The following NTM variants were observed in gnomAD, a reference collection of about 807,000 sequenced individuals.
NTM encodes the protein IgLON family member 2.
NTM carries 13 observed loss-of-function variants against 42.1 expected under a neutral mutation model. The observed-to-expected ratio is 0.31, with a 90% CI of 0.20 to 0.49. The LOEUF is 0.49. NTM is among the 20% of genes least tolerant of loss of function. NTM has a pLI of 0.99. For missense variants in NTM, 373 were observed against 452.8 expected, an observed-to-expected ratio of 0.82 and a Z score of 1.60; for synonymous variants, 187 against 179.2, an observed-to-expected ratio of 1.04 and a Z score of -0.35.
At chr11:131,601,577 C>G (rs1219320446) in intron 1 of NTM, among the ~76,000 whole-genome samples, 2 of 152,026 alleles carry the variant, frequency 1.3e-5, no homozygotes, top group Non-Finnish European at 2.9e-5. Flanking sequence ...CCTCAAACCC[C>G]CTTCCCTCTC....
chr11:131,560,946 C>G (rs988879240), intron 1 of NTM, among the ~76,000 whole-genome samples: 1 of 152,092 alleles, frequency 6.6e-6, no homozygotes, highest in Non-Finnish European at 1.5e-5. Context: ...TGCCCCCAGG[C>G]TGACCATCCC....
rs777156880 is a variant in NTM, at chr11:132,212,023, A to T, written c.402A>T (p.Val134=). ...TTTCATTCTGTCTTGTTTCCACAGT[A>T]TCTCCCAAAATTGTAGAGATTTCTT... ...KTSRVHLIVQ[V]SPKIVEISSD... The change falls in exon 4 of 9, where the codon GTA becomes GTT. Residue 134 remains valine (V), a splice_region_variant and synonymous_variant. Coordinates refer to ENST00000683400, the MANE Select transcript of NTM (RefSeq NM_001352005.2). 2.2e-5 allele frequency: 36 copies of T among 1,606,770 alleles called. No homozygotes were observed. The highest frequency in any genetic ancestry group is 3.1e-5 in the Non-Finnish European group (36 of 1,177,934).
intron 1 of NTM, among the ~76,000 whole-genome samples, chr11:131,610,423 G>C (rs1465628674): frequency 6.6e-6 from 1 of 152,208 alleles, no homozygotes; most frequent in Non-Finnish European, 1.5e-5. Flanking sequence ...GAATTCATTA[G>C]TAAATAAGTG....
intron 1 of NTM, among the ~76,000 whole-genome samples, chr11:131,876,370 C>T (rs1003265788): frequency 6.6e-6 from 1 of 152,200 alleles, no homozygotes; most frequent in African/African-American, 2.4e-5. Context: ...GGGTCTCCTC[C>T]ACTCATCTCC....
intron 2 of NTM, among the ~76,000 whole-genome samples, chr11:132,046,657 T>C (rs2078042748): frequency 6.6e-6 from 1 of 152,074 alleles, no homozygotes; most frequent in Non-Finnish European, 1.5e-5. Context: ...GTACAGATAA[T>C]AGATCATTCC....
intron 1 of NTM, among the ~76,000 whole-genome samples, chr11:131,646,315 G>T (rs2065766212): frequency 6.6e-6 from 1 of 152,192 alleles, no homozygotes; most frequent in African/African-American, 2.4e-5. Context: ...TCTACTACCT[G>T]GCCCTTTTCT....
intron 1 of NTM, among the ~76,000 whole-genome samples, chr11:131,626,814 G>A (rs1051520782): frequency 6.6e-5 from 10 of 152,136 alleles, no homozygotes; most frequent in Admixed American, 3.9e-4. Context: ...GCTTCTTAAT[G>A]TGCCAAGAAA....
At chr11:131,720,048 C>T (rs2078154277) in intron 1 of NTM, among the ~76,000 whole-genome samples, 1 of 152,100 alleles carries the variant, frequency 6.6e-6, no homozygotes, top group South Asian at 2.1e-4. Context: ...GGGGTTGCTT[C>T]CTCAGAGCAA....
intron 7 of NTM, chr11:132,315,080 AT>A (rs557575163): frequency 1.5e-4 from 151 of 981,020 alleles, no homozygotes; most frequent in South Asian, 1.2e-3. Flanking sequence ...ATGACATTTG[AT>A]TTTTTTTTTC....
intron 2 of NTM, among the ~76,000 whole-genome samples, chr11:131,993,569 T>C (rs1482320094): frequency 1.3e-5 from 2 of 152,296 alleles, no homozygotes; most frequent in Non-Finnish European, 2.9e-5. Flanking sequence ...TTTGTAATCA[T>C]TGTTTGCAAA....
At chr11:131,991,932 T>A (rs563669379) in intron 2 of NTM, among the ~76,000 whole-genome samples, 1 of 152,274 alleles carries the variant, frequency 6.6e-6, no homozygotes, top group South Asian at 2.1e-4. Context: ...TTTCATGAAG[T>A]GCTTATAGTC....
intron 1 of NTM, among the ~76,000 whole-genome samples, chr11:131,447,446 G>C (rs1408749492): frequency 2.0e-5 from 3 of 152,100 alleles, no homozygotes; most frequent in Non-Finnish European, 4.4e-5. Context: ...ATTTCAATTA[G>C]AGCGCTCCCT....
At chr11:132,275,407 T>C (rs1004828871) in intron 4 of NTM, among the ~76,000 whole-genome samples, 1 of 152,050 alleles carries the variant, frequency 6.6e-6, no homozygotes, top group Non-Finnish European at 1.5e-5. Flanking sequence ...TCAATCCTTG[T>C]GCCAATGCCA....
chr11:131,594,245 G>T lies in NTM; in HGVS notation c.82+223357G>T, dbSNP rs2059625705. ...GGACCTGGGAAAGAATTTATGCTAA[G>T]TCCTGTAGATTTTTTGAAATCCAAT... On this transcript the variant is annotated intron_variant, in intron 1 of 8. Coordinates refer to ENST00000683400, the MANE Select transcript of NTM (RefSeq NM_001352005.2). Among the ~76,000 whole-genome samples the T allele has an allele frequency of 2.0e-5, 3 of 152,246 alleles. No individual in the cohort carries two copies. In the South Asian group the frequency reaches 6.2e-4, roughly 32 times the overall value.
chr11:131,597,686 C>T (rs2059932961), intron 1 of NTM, among the ~76,000 whole-genome samples: 1 of 152,186 alleles, frequency 6.6e-6, no homozygotes, highest in Non-Finnish European at 1.5e-5. Flanking sequence ...TTTTCAGGTG[C>T]CCCAGAGTGA....
chr11:132,316,385 C>A (rs1485736266), intron 7 of NTM, among the ~76,000 whole-genome samples: 2 of 152,222 alleles, frequency 1.3e-5, no homozygotes, highest in Admixed American at 6.5e-5. Context: ...CCATGCCCCC[C>A]ACCCTATGGG....
rs184557184 is a variant in NTM, at chr11:131,652,187, G to A, written c.83-259377G>A. On this transcript the variant is annotated intron_variant, in intron 1 of 8. Coordinates refer to ENST00000683400, the MANE Select transcript of NTM (RefSeq NM_001352005.2). ...TGTAAAAGAAGATTGGCCCCATAAG[G>A]CTTCTGTGAGGATCAAAGAGCCTAA... 2.5e-3 allele frequency among the ~76,000 whole-genome samples: 387 copies of A among 152,312 alleles called. 3 individuals are homozygous for A. Among genetic ancestry groups the A allele is most frequent in the Non-Finnish European group, 4.6e-3 (313 of 68,034 alleles).
chr11:131,872,573 A>G (rs1301745543), intron 1 of NTM, among the ~76,000 whole-genome samples: 6 of 152,198 alleles, frequency 3.9e-5, no homozygotes, highest in Non-Finnish European at 7.3e-5. Flanking sequence ...GCAGAAGCCC[A>G]AAGGAGTTGG....
chr11:131,959,238 G>C (rs918314698), intron 2 of NTM, among the ~76,000 whole-genome samples: 1 of 152,154 alleles, frequency 6.6e-6, no homozygotes, highest in Non-Finnish European at 1.5e-5. Context: ...GAAGAGAGGT[G>C]TTCTCTTTAT....
Sources: allele counts gnomAD v4.1 joint callset (sites outside exome capture counted in the v4.1 genomes callset), GRCh38; gene constraint gnomAD v4.1.1; transcripts MANE v1.5; gene names NCBI Gene and HGNC (gene_info 2026-07-23, HGNC 2026-07-21).